ATAD1: variants seen among roughly 807,000 people sequenced by gnomAD.
The protein encoded by ATAD1 is outer mitochondrial transmembrane helix translocase.
Under a neutral mutation model 42.7 loss-of-function variants are expected in ATAD1, and 18 were observed. The observed-to-expected ratio is 0.42, with a 90% CI of 0.29 to 0.63. The LOEUF is 0.63. Ranked by LOEUF, ATAD1 falls within the 20% of genes least tolerant of loss-of-function variation. The pLI is 0.19. For synonymous variants in ATAD1, 132 were observed against 143.1 expected (o/e 0.92, Z 0.55); for missense variants, 294 against 440.4 (o/e 0.67, Z 2.98).
At chr10:87,780,616 G>T (rs1337307938) in intron 5 of ATAD1, among the ~76,000 whole-genome samples, 2 of 152,048 alleles carry the variant, frequency 1.3e-5, no homozygotes, top group Non-Finnish European at 2.9e-5. Context: ...AAAGGTTAAT[G>T]AAGATATGAG....
In ATAD1 at chr10:87,784,595, C is replaced by G; in HGVS notation, c.458G>C (p.Arg153Pro). ...AKATAKEAGC[R>P]FINLQPSTLT... ...TGTCGAAGGCTGAAGGTTAATAAATCGACAGCCTGCTTCTTTGGCTGTGGC... is the reference window on the plus strand; with the variant it reads ...TGTCGAAGGCTGAAGGTTAATAAATGGACAGCCTGCTTCTTTGGCTGTGGC... Residue 153 changes from arginine (R) to proline (P), a missense_variant, in exon 5 of 10, where the codon CGA becomes CCA. Coordinates refer to ENST00000680024, the MANE Select transcript of ATAD1 (RefSeq NM_001321967.2). The G allele has an allele frequency of 2.5e-6, 4 of 1,613,426 alleles. No homozygotes were observed. Among genetic ancestry groups the G allele is most frequent in the Non-Finnish European group, 3.4e-6 (4 of 1,179,892 alleles).
chr10:87,812,596 A>G (rs1857236758), intron 2 of ATAD1, among the ~76,000 whole-genome samples: 1 of 152,214 alleles, frequency 6.6e-6, no homozygotes, highest in Non-Finnish European at 1.5e-5. Flanking sequence ...TCAGAGATGT[A>G]GGGAAGAGAA....
chr10:87,827,677 C>T (rs952463223), intron 1 of ATAD1, among the ~76,000 whole-genome samples: 1 of 152,158 alleles, frequency 6.6e-6, no homozygotes, highest in African/African-American at 2.4e-5. Flanking sequence ...GACTGCTCTA[C>T]CAACCAGTCA....
At chr10:87,812,304 T>TCC (rs1464524183) in intron 2 of ATAD1, among the ~76,000 whole-genome samples, 1 of 152,132 alleles carries the variant, frequency 6.6e-6, no homozygotes, top group Non-Finnish European at 1.5e-5. Context: ...TGAGATGGAG[T>TCC]CTCTCTCTGT....
chr10:87,810,629 TC>T (rs1857136822), intron 2 of ATAD1, among the ~76,000 whole-genome samples: 1 of 152,238 alleles, frequency 6.6e-6, no homozygotes, highest in Non-Finnish European at 1.5e-5. Flanking sequence ...CCTTACAATT[TC>T]TTTTTGCCCA....
In ATAD1 at chr10:87,771,052, AAAG is replaced by A. The variant is rs1428607901; in HGVS notation, c.691-14_691-12del. 9 of 1,602,362 alleles carry A rather than the reference AAAG, an allele frequency of 5.6e-6. No homozygotes were observed. Among genetic ancestry groups the A allele is most frequent in the Admixed American group, 1.7e-5 (1 of 59,904 alleles). ...TCCCATTACTATGACCTAAGTGTAT[AAAG>A]AAGACAGAAGGTATTAAATCTACCA... On this transcript the variant is annotated splice_polypyrimidine_tract_variant and intron_variant, in intron 6 of 9. Coordinates refer to ENST00000680024, the MANE Select transcript of ATAD1 (RefSeq NM_001321967.2).
chr10:87,760,103 T>C (rs1202155496), intron 8 of ATAD1, among the ~76,000 whole-genome samples: 2 of 152,224 alleles, frequency 1.3e-5, no homozygotes, highest in African/African-American at 4.8e-5. Flanking sequence ...AATAGTATAC[T>C]TGTAAATAAC....
rs1854128035 is a variant in ATAD1 at position 87,754,364 on chromosome 10, C to T, written c.*323G>A. The T allele has an allele frequency of 5.8e-6, 1 of 171,082 alleles. No individual in the cohort carries two copies. Among genetic ancestry groups the T allele is most frequent in the Non-Finnish European group, 1.3e-5 (1 of 79,634 alleles). The allele number at this position is 171,082 out of a possible 1,614,324, so 10.6% of individuals were successfully genotyped here. On this transcript the variant is annotated 3_prime_UTR_variant, in exon 10 of 10. Transcript: ENST00000680024. ...TAGGAACCAGCACCTAACCACATCC[C>T]CGTTTCTCACTAATGACCCAATGAA...
chr10:87,813,202 C>A (rs1215216729), intron 2 of ATAD1, among the ~76,000 whole-genome samples: 4 of 152,084 alleles, frequency 2.6e-5, no homozygotes, highest in Admixed American at 6.6e-5. Context: ...ACAAAATTAT[C>A]TTTAAAAGTC....
chr10:87,801,140 T>C (rs10887753), intron 2 of ATAD1, among the ~76,000 whole-genome samples: 48,991 of 152,040 alleles, frequency 0.32, 8,305 homozygotes, highest in African/African-American at 0.39. Context: ...ATTGAATTGG[T>C]TTCATGCTGT....
At chr10:87,836,208 C>T (rs996717611) in intron 1 of ATAD1, among the ~76,000 whole-genome samples, 13 of 152,196 alleles carry the variant, frequency 8.5e-5, no homozygotes, top group Admixed American at 7.9e-4. Context: ...CCACTGTAAC[C>T]TCAAACTCCT....
rs1481830456 is a variant in ATAD1, at chr10:87,784,540, C to T, written c.513G>A (p.Gln171=). The part of the protein sequence containing the change: ...TLTDKWYGES[Q]KLAAAVFSLA... ...GGGAGAAGACAGCAGCAGCCAATTTCTGAGATTCTCCATACCACTTATCGG... is the reference window on the plus strand; with the variant it reads ...GGGAGAAGACAGCAGCAGCCAATTTTTGAGATTCTCCATACCACTTATCGG... Residue 171 remains glutamine (Q), a synonymous_variant, in exon 5 of 10, where the codon CAG becomes CAA. Transcript: ENST00000680024. 1 of 1,613,814 alleles carries T rather than the reference C, an allele frequency of 6.2e-7. No individual in the cohort carries two copies. Among genetic ancestry groups the T allele is most frequent in the South Asian group, 1.1e-5 (1 of 91,068 alleles).
chr10:87,826,672 A>G (rs1047400388), intron 1 of ATAD1, among the ~76,000 whole-genome samples: 4 of 152,224 alleles, frequency 2.6e-5, no homozygotes, highest in Admixed American at 6.5e-5. Context: ...TACATAAACT[A>G]GCTTTCCATA....
chr10:87,761,993 C>A (rs189332139), intron 8 of ATAD1, among the ~76,000 whole-genome samples: 1 of 152,112 alleles, frequency 6.6e-6, no homozygotes, highest in Non-Finnish European at 1.5e-5. Flanking sequence ...GATCCTCCCA[C>A]CATGACCTTC....
intron 5 of ATAD1, among the ~76,000 whole-genome samples, chr10:87,778,188 A>C (rs1436047041): frequency 2.0e-5 from 3 of 150,268 alleles, no homozygotes; most frequent in Non-Finnish European, 4.5e-5. Flanking sequence ...TAAAAAAAAA[A>C]AAAAAAAAAA....
intron 8 of ATAD1, among the ~76,000 whole-genome samples, chr10:87,766,803 T>C (rs1003044770): frequency 6.6e-6 from 1 of 151,112 alleles, no homozygotes; most frequent in Non-Finnish European, 1.5e-5. Context: ...AGAGTGACAC[T>C]CTGCTTCAAA....
chr10:87,835,611 C>A (rs1051943757), intron 1 of ATAD1, among the ~76,000 whole-genome samples: 1 of 152,072 alleles, frequency 6.6e-6, no homozygotes, highest in African/African-American at 2.4e-5. Context: ...TTTTACCAAC[C>A]TGTTCAGTGG....
chr10:87,764,684 C>T (rs1238630358), intron 8 of ATAD1, among the ~76,000 whole-genome samples: 2 of 152,128 alleles, frequency 1.3e-5, no homozygotes, highest in Non-Finnish European at 2.9e-5. Context: ...CTCCTCCCCA[C>T]CACCCTGAAC....
intron 1 of ATAD1, among the ~76,000 whole-genome samples, chr10:87,824,164 A>G (rs1012840292): frequency 2.0e-5 from 3 of 152,162 alleles, no homozygotes; most frequent in Admixed American, 6.5e-5. Flanking sequence ...TAACCTGACT[A>G]GAGAGAAAAG....
Sources: allele counts gnomAD v4.1 joint callset (sites outside exome capture counted in the v4.1 genomes callset), GRCh38; gene constraint gnomAD v4.1.1; transcripts MANE v1.5; gene names NCBI Gene and HGNC (gene_info 2026-07-23, HGNC 2026-07-21).